Variants in KCNJ5 observed in about 807,000 individuals in gnomAD.
The protein encoded by KCNJ5 is G protein-activated inward rectifier potassium channel 4.
KCNJ5 carries 12 observed loss-of-function variants against 20.2 expected under a neutral mutation model. The observed-to-expected ratio is 0.59, with a 90% CI of 0.38 to 0.96. The LOEUF is 0.96. KCNJ5 is among the 40% of genes least tolerant of loss of function. The pLI is 0.00. For synonymous variants in KCNJ5, 210 were observed against 213.9 expected, an observed-to-expected ratio of 0.98 and a Z score of 0.16; for missense variants, 449 against 557.6, an observed-to-expected ratio of 0.81 and a Z score of 1.96.
At chr11:128,898,025 T>C (rs1944203992) in intron 1 of KCNJ5, among the ~76,000 whole-genome samples, 1 of 152,262 alleles carries the variant, frequency 6.6e-6, no homozygotes, top group Non-Finnish European at 1.5e-5. Context: ...CTTCTGCCAA[T>C]ACCACATAGT....
intron 1 of KCNJ5, among the ~76,000 whole-genome samples, chr11:128,904,786 G>A (rs1420691666): frequency 1.3e-5 from 2 of 152,120 alleles, no homozygotes; most frequent in Non-Finnish European, 2.9e-5. Context: ...GTGAAGCCCT[G>A]TGTCAGCTTC....
intron 2 of KCNJ5, among the ~76,000 whole-genome samples, chr11:128,913,583 T>TC (rs67575377): frequency 7.3e-4 from 3 of 4,106 alleles, no homozygotes; most frequent in African/African-American, 6.4e-3. Flanking sequence ...TCTCTCTCTC[T>TC]TTTTTTTTTC....
intron 1 of KCNJ5, among the ~76,000 whole-genome samples, chr11:128,905,006 C>T (rs1207634348): frequency 6.6e-6 from 1 of 152,202 alleles, no homozygotes; most frequent in African/African-American, 2.4e-5. Context: ...CCTCCGAGTA[C>T]ACTAGAGGAT....
Position 128,903,002 on chromosome 11 carries a change from C to A in KCNJ5, c.-10-8262C>A, listed in dbSNP as rs1258877780. On this transcript the variant is annotated intron_variant, in intron 1 of 2. Coordinates refer to ENST00000529694, the MANE Select transcript of KCNJ5 (RefSeq NM_000890.5). ...TAATTTCTGGCTTTTCTGGAAAAAG[C>A]AAAGGGAGGATCTTGCAGTACTGGC... Among the ~76,000 whole-genome samples the A allele has an allele frequency of 2.6e-5, 4 of 152,018 alleles. No homozygotes were observed. The South Asian group carries it at 8.3e-4, about 32-fold the overall frequency.
In KCNJ5 at chr11:128,891,439, CACAGAGAGAGAG is replaced by C. The variant is rs1188960087; in HGVS notation, c.-291_-280del. ...ACACACACACACACACACACACACA[CACAGAGAGAGAG>C]AGAGAGAGAGAGAGAGAGAGAGAGA... On this transcript the variant is annotated 5_prime_UTR_variant, in exon 1 of 3. Transcript: ENST00000529694. The C allele has an allele frequency of 1.5e-4, 10 of 68,774 alleles. No individual in the cohort carries two copies. The highest frequency in any genetic ancestry group is 5.9e-4 in the African/African-American group (9 of 15,148). The allele number at this position is 68,774 out of a possible 1,614,324, so 4.3% of individuals were successfully genotyped here. A position where few individuals can be genotyped will look rare whatever the true frequency, so the allele number is the denominator to read the frequency against.
chr11:128,911,854 AG>A lies in KCNJ5; in HGVS notation c.582del (p.Lys195ArgfsTer58), dbSNP rs1944507406. On this transcript the variant is annotated frameshift_variant, in exon 2 of 3. Transcript: ENST00000529694. LOFTEE classifies it high-confidence loss of function. This position sits in a 1 kb window ranked among gnomAD's most constrained non-coding sequence, Gnocchi z 6.3. ...GCMFVKISQPKKRAETLMFSN... is the reference protein window; with the variant it reads ...GCMFVKISQPXKRAETLMFSN... ...ATGTTTGTCAAGATCAGCCAGCCCA[AG>A]AAGAGAGCGGAGACCCTCATGTTTT... 6.2e-7 allele frequency: 1 copy of A among 1,613,922 alleles called. No individual in the cohort carries two copies. The highest frequency in any genetic ancestry group is 2.2e-5 in the East Asian group (1 of 44,868).
At chr11:128,914,350 C>T (rs1256173442) in intron 2 of KCNJ5, among the ~76,000 whole-genome samples, 2 of 152,220 alleles carry the variant, frequency 1.3e-5, no homozygotes, top group Non-Finnish European at 2.9e-5. Flanking sequence ...TGCCCCGCTG[C>T]ACCCCCAACC....
rs1165960688 is a variant in KCNJ5 at position 128,917,026 on chromosome 11, C to T, written c.*295C>T. 3 of 330,412 alleles carry T rather than the reference C, an allele frequency of 9.1e-6. No homozygotes were observed. The highest frequency in any genetic ancestry group is 1.1e-5 in the Non-Finnish European group (2 of 180,010). 20.5% of individuals were successfully genotyped at this position (330,412 alleles called of 1,614,324 possible). On this transcript the variant is annotated 3_prime_UTR_variant, in exon 3 of 3. Coordinates refer to ENST00000529694, the MANE Select transcript of KCNJ5 (RefSeq NM_000890.5). ...AATGTTACCGGATGGCATCTGTTCT[C>T]TCCATGCCCTGGGTCACTTCCTTTT...
chr11:128,906,515 A>G (rs1037013846), intron 1 of KCNJ5, among the ~76,000 whole-genome samples: 19 of 152,250 alleles, frequency 1.2e-4, no homozygotes, highest in African/African-American at 4.3e-4. Context: ...TCTCATGTGG[A>G]ACTCAGGGCC....
At chr11:128,895,409 GC>G (rs1365465764) in intron 1 of KCNJ5, among the ~76,000 whole-genome samples, 3 of 135,100 alleles carry the variant, frequency 2.2e-5, no homozygotes, top group Non-Finnish European at 3.1e-5. Flanking sequence ...AGGGATGACT[GC>G]ACTGCTGAGC....
chr11:128,902,341 A>G (rs1200686412), intron 1 of KCNJ5: 5 of 627,544 alleles, frequency 8.0e-6, no homozygotes, highest in Non-Finnish European at 1.4e-5. Context: ...TTGCAGTCAG[A>G]CATCTCTCCC....
rs1305792469 is a variant in KCNJ5, at chr11:128,912,023, C to T, written c.750C>T (p.Ile250=). 6.2e-7 allele frequency: 1 copy of T among 1,611,652 alleles called. No individual in the cohort carries two copies. The highest frequency in any genetic ancestry group is 1.1e-5 in the South Asian group (1 of 90,994). The stretch of plus-strand genomic sequence containing the variant: ...GGCAGACCAAAGAGGGGGAGTTCAT[C>T]CCCCTGAACCAGACAGACATCAACG... ...KSRQTKEGEF[I]PLNQTDINVG... The change falls in exon 2 of 3, where the codon ATC becomes ATT. Residue 250 remains isoleucine (I), a synonymous_variant. Coordinates refer to ENST00000529694, the MANE Select transcript of KCNJ5 (RefSeq NM_000890.5).
At chr11:128,908,432 G>A (rs547970549) in intron 1 of KCNJ5, among the ~76,000 whole-genome samples, 158 of 152,290 alleles carry the variant, frequency 1.0e-3, no homozygotes, top group African/African-American at 3.4e-3. Flanking sequence ...GAATCCAGAT[G>A]TTACCCTGGG....
At chr11:128,913,582 C>CG (rs1555145345) in intron 2 of KCNJ5, among the ~76,000 whole-genome samples, 4 of 147,248 alleles carry the variant, frequency 2.7e-5, no homozygotes, top group African/African-American at 1.0e-4. Flanking sequence ...CTCTCTCTCT[C>CG]TTTTTTTTTT....
rs1944295446 is a variant in KCNJ5 at position 128,902,211 on chromosome 11, T to C, written c.-10-9053T>C. The C allele has an allele frequency of 8.6e-6, 3 of 349,628 alleles. No individual in the cohort carries two copies. The Admixed American group carries it at 1.3e-4, about 15-fold the overall frequency. 21.7% of individuals were successfully genotyped at this position (349,628 alleles called of 1,614,324 possible). A position where few individuals can be genotyped will look rare whatever the true frequency, so the allele number is the denominator to read the frequency against. ...TCATCTCGCACACCTCTGCAGTCCC[T>C]TCCACGATGCCCTCACCGCTGGTAA... On this transcript the variant is annotated intron_variant, in intron 1 of 2. Coordinates refer to ENST00000529694, the MANE Select transcript of KCNJ5 (RefSeq NM_000890.5).
chr11:128,902,711 G>C (rs763418181), intron 1 of KCNJ5: 50 of 1,603,830 alleles, frequency 3.1e-5, no homozygotes, highest in Non-Finnish European at 4.0e-5. Context: ...GTTTGTGGCA[G>C]ACCTGTTGGT....
intron 1 of KCNJ5, among the ~76,000 whole-genome samples, chr11:128,907,140 C>T (rs1456661924): frequency 1.3e-5 from 2 of 152,178 alleles, no homozygotes; most frequent in African/African-American, 4.8e-5. Context: ...TCCTCCATTC[C>T]TCTTCCTCCA....
At chr11:128,903,607 G>A in intron 1 of KCNJ5, 1 of 1,381,264 alleles carries the variant, frequency 7.2e-7, no homozygotes, top group Non-Finnish European at 1.0e-6. Flanking sequence ...CGTTGTCCAA[G>A]CAGACCTTCA....
intron 1 of KCNJ5, chr11:128,902,297 G>A (rs1471193578): frequency 1.1e-5 from 6 of 548,806 alleles, no homozygotes; most frequent in Non-Finnish European, 1.9e-5. Context: ...CCGCCCTCCT[G>A]TCCCTCCAGC....
Sources: gnomAD v4.1 joint callset for allele counts (sites outside exome capture counted in the v4.1 genomes callset) on GRCh38, gnomAD v4.1.1 for gene constraint, Gnocchi (gnomAD v3.1) non-coding constraint, MANE v1.5 for transcripts, NCBI Gene and HGNC (gene_info 2026-07-23, HGNC 2026-07-21) for gene names.